Variants in NSUN3 observed in about 807,000 individuals in gnomAD.
The protein encoded by NSUN3 is NOP2/Sun RNA methyltransferase 3, also known as tRNA (cytosine(34)-C(5))-methyltransferase, mitochondrial.
Under a neutral mutation model 36.8 loss-of-function variants are expected in NSUN3, and 24 were observed. The ratio of observed to expected loss-of-function variants is 0.65; its 90% CI spans 0.47 to 0.92. The LOEUF is 0.92. Among genes scored for constraint, NSUN3 ranks in the 40% least tolerant of loss-of-function variants. The probability of loss-of-function intolerance (pLI) is 0.00; values close to 1 mark genes in which losing one functional copy is unlikely to be tolerated. For synonymous variants in NSUN3, 146 were observed against 145.2 expected, an observed-to-expected ratio of 1.01 and a Z score of -0.04; for missense variants, 381 against 392.8, an observed-to-expected ratio of 0.97 and a Z score of 0.25.
At chr3:94,114,622 A>G (rs920549489) in intron 5 of NSUN3, among the ~76,000 whole-genome samples, 29 of 152,018 alleles carry the variant, frequency 1.9e-4, no homozygotes, top group Admixed American at 1.5e-3. Context: ...TAAATAATTT[A>G]TTGTATTTTA....
At chr3:94,077,819 T>A (rs1239473337) in intron 2 of NSUN3, among the ~76,000 whole-genome samples, 1 of 152,198 alleles carries the variant, frequency 6.6e-6, no homozygotes, top group Non-Finnish European at 1.5e-5. Flanking sequence ...TCTATTTGAT[T>A]CTTCTCTCTT....
chr3:94,104,438 C>T (rs2077377983), intron 5 of NSUN3, among the ~76,000 whole-genome samples: 1 of 152,214 alleles, frequency 6.6e-6, no homozygotes, highest in South Asian at 2.1e-4. Flanking sequence ...TGAACCCCAA[C>T]CAGGCCTCTG....
chr3:94,112,859 G>A (rs2077423509), intron 5 of NSUN3, among the ~76,000 whole-genome samples: 1 of 152,106 alleles, frequency 6.6e-6, no homozygotes, highest in Non-Finnish European at 1.5e-5. Context: ...GATGTGAAGA[G>A]AATAACAAAA....
intron 3 of NSUN3, among the ~76,000 whole-genome samples, chr3:94,090,844 G>T (rs554849431): frequency 2.0e-5 from 3 of 152,028 alleles, no homozygotes; most frequent in Non-Finnish European, 4.4e-5. Context: ...TGAGAGTGAA[G>T]GAATAAAAAA....
At chr3:94,090,251 G>A (rs1013910481) in intron 3 of NSUN3, among the ~76,000 whole-genome samples, 3 of 151,950 alleles carry the variant, frequency 2.0e-5, no homozygotes, top group Non-Finnish European at 2.9e-5. Context: ...GCACAAAATT[G>A]TCTCAATGTA....
intron 2 of NSUN3, among the ~76,000 whole-genome samples, chr3:94,066,848 A>G (rs1560028023): frequency 6.6e-6 from 1 of 152,230 alleles, no homozygotes; most frequent in Non-Finnish European, 1.5e-5. Flanking sequence ...AATTAAGTGT[A>G]TCACCATCAG....
In NSUN3 at chr3:94,084,179, G is replaced by A. The variant is rs2077282614; in HGVS notation, c.195G>A (p.Leu65=). 1.2e-6 allele frequency: 2 copies of A among 1,613,960 alleles called. No homozygotes were observed. The highest frequency in any genetic ancestry group is 1.3e-5 in the African/African-American group (1 of 74,998). ...LLNRFNYPFE[L]EKDLHLKGYH... is the part of the protein sequence containing the mutation. ...ACCGATTCAATTATCCTTTTGAACTGGAAAAGGATTTACATTTGAAGGGCT... is the reference window on the plus strand; with the variant it reads ...ACCGATTCAATTATCCTTTTGAACTAGAAAAGGATTTACATTTGAAGGGCT... Residue 65 remains leucine, a synonymous_variant, in exon 3 of 6, where the codon CTG becomes CTA. Transcript: ENST00000314622.
chr3:94,064,601 C>T, intron 2 of NSUN3, 55 bp downstream of exon 2: 3 of 1,118,162 alleles, frequency 2.7e-6, no homozygotes, highest in Non-Finnish European at 2.7e-6. Context: ...ATATGTAGTC[C>T]TCCTTTTTGT....
Position 94,126,624 on chromosome 3 carries a change from CT to C in NSUN3, c.*136del. ...TCCTATTTAGTTAATACTTTAGCATCTTAGAATCTAGGCTTGAGAATTGTTC... is the reference window on the plus strand; with the variant it reads ...TCCTATTTAGTTAATACTTTAGCATCTAGAATCTAGGCTTGAGAATTGTTC... On this transcript the variant is annotated 3_prime_UTR_variant, in exon 6 of 6. Coordinates refer to ENST00000314622, the MANE Select transcript of NSUN3 (RefSeq NM_022072.5). 2.7e-6 allele frequency: 2 copies of C among 747,448 alleles called. No homozygotes were observed. Among genetic ancestry groups the C allele is most frequent in the Non-Finnish European group, 4.2e-6 (2 of 472,246 alleles). The allele number at this position is 747,448 out of a possible 1,614,324, so 46.3% of individuals were successfully genotyped here. A position where few individuals can be genotyped will look rare whatever the true frequency, so the allele number is the denominator to read the frequency against.
At chr3:94,106,445 TTAAC>T (rs2077389308) in intron 5 of NSUN3, among the ~76,000 whole-genome samples, 1 of 152,204 alleles carries the variant, frequency 6.6e-6, no homozygotes, top group Non-Finnish European at 1.5e-5. Context: ...ATTTGATTAC[TTAAC>T]TGTGAGCACA....
chr3:94,065,737 T>C (rs1039330548), intron 2 of NSUN3, among the ~76,000 whole-genome samples: 1 of 152,210 alleles, frequency 6.6e-6, no homozygotes, highest in African/African-American at 2.4e-5. Context: ...ATTTCAAAAG[T>C]AGATTTTCAA....
chr3:94,064,576 A>T (rs2077195577), intron 2 of NSUN3, 30 bp downstream of exon 2: 1 of 1,342,678 alleles, frequency 7.4e-7, no homozygotes, highest in South Asian at 1.2e-5. Context: ...ATGCTTTATG[A>T]TGGAACAAAG....
intron 3 of NSUN3, among the ~76,000 whole-genome samples, chr3:94,092,001 A>G (rs921327584): frequency 6.6e-6 from 1 of 152,188 alleles, no homozygotes; most frequent in African/African-American, 2.4e-5. Context: ...ACTGCCACAA[A>G]TTGAAGAGCC....
chr3:94,124,582 A>G (rs1200560214), intron 5 of NSUN3, among the ~76,000 whole-genome samples: 2 of 152,104 alleles, frequency 1.3e-5, no homozygotes, highest in African/African-American at 4.8e-5. Context: ...CTGTGACCAA[A>G]TGTCCTCTTC....
chr3:94,105,405 C>T (rs2077384734), intron 5 of NSUN3, among the ~76,000 whole-genome samples: 1 of 152,130 alleles, frequency 6.6e-6, no homozygotes, highest in South Asian at 2.1e-4. Context: ...ACTTACCATG[C>T]CATCGACCTA....
chr3:94,063,384 T>G, intron 1 of NSUN3: 1 of 514,026 alleles, frequency 1.9e-6, no homozygotes, highest in Non-Finnish European at 3.5e-6. Context: ...GGCTGAGATT[T>G]GTTTTCTGTG....
chr3:94,064,665 T>A, intron 2 of NSUN3, 119 bp downstream of exon 2: 1 of 599,604 alleles, frequency 1.7e-6, no homozygotes, highest in Non-Finnish European at 2.9e-6. Context: ...GGTTGCCTTT[T>A]CCTACTGAAG....
intron 5 of NSUN3, among the ~76,000 whole-genome samples, 181 bp downstream of exon 5, chr3:94,095,335 C>T (rs1217529153): frequency 6.6e-6 from 1 of 152,188 alleles, no homozygotes; most frequent in Non-Finnish European, 1.5e-5. Context: ...GTAATGCTCA[C>T]CGCCCCTCCC....
intron 2 of NSUN3, among the ~76,000 whole-genome samples, chr3:94,078,044 T>A (rs2077253972): frequency 1.3e-5 from 2 of 152,234 alleles, no homozygotes; most frequent in Non-Finnish European, 2.9e-5. Flanking sequence ...GTTGTCAATT[T>A]TAGATCTTTC....
Sources: gnomAD v4.1 joint callset for allele counts (sites outside exome capture counted in the v4.1 genomes callset) on GRCh38, gnomAD v4.1.1 for gene constraint, MANE v1.5 for transcripts, NCBI Gene and HGNC (gene_info 2026-07-23, HGNC 2026-07-21) for gene names.